Variants in CNTNAP4 observed in about 807,000 individuals in gnomAD.
CNTNAP4 encodes the protein contactin-associated protein-like 4.
CNTNAP4 carries 98 observed loss-of-function variants against 148.4 expected under a neutral mutation model. The observed-to-expected ratio is 0.66, with a 90% CI of 0.56 to 0.78. CNTNAP4 has a LOEUF of 0.78. Among genes scored for constraint, CNTNAP4 ranks in the 30% least tolerant of loss-of-function variants. The pLI is 0.00. For synonymous variants in CNTNAP4, 730 were observed against 565.1 expected (o/e 1.29, Z -4.14); for missense variants, 1,935 against 1,565.6 (o/e 1.24, Z -3.98).
At chr16:76,316,192 T>C in intron 1 of CNTNAP4, 1 of 585,532 alleles carries the variant, frequency 1.7e-6, no homozygotes, top group South Asian at 2.3e-5. Flanking sequence ...TATAATTTTA[T>C]GATTTTTAAA....
At chr16:76,503,678 TTC>T (rs2082734455) in intron 15 of CNTNAP4, among the ~76,000 whole-genome samples, 1 of 140,718 alleles carries the variant, frequency 7.1e-6, no homozygotes, top group African/African-American at 2.6e-5. Context: ...TCCCTCCCCC[TTC>T]CCCCCACCCC....
At chr16:76,445,017 C>G in intron 4 of CNTNAP4, among the ~76,000 whole-genome samples, 1 of 152,120 alleles carries the variant, frequency 6.6e-6, no homozygotes, top group African/African-American at 2.4e-5. Context: ...TATTTCCTGT[C>G]ACTGTAGTTT....
At chr16:76,424,689 G>C (rs1017513413) in intron 3 of CNTNAP4, among the ~76,000 whole-genome samples, 1 of 152,020 alleles carries the variant, frequency 6.6e-6, no homozygotes, top group Non-Finnish European at 1.5e-5. Flanking sequence ...AGCCCGGGAG[G>C]TGGAGGTTGC....
rs1422422053 is a variant in CNTNAP4, at chr16:76,507,996, G to A, written c.2365+9302G>A. On this transcript the variant is annotated intron_variant, in intron 15 of 23. Transcript: ENST00000611870. ...TTTCTAGATGACCTAGTCATTCTGCGTTCTCAAAACATGTTTAGCATATTA... is the reference window on the plus strand; with the variant it reads ...TTTCTAGATGACCTAGTCATTCTGCATTCTCAAAACATGTTTAGCATATTA... 1.3e-4 allele frequency among the ~76,000 whole-genome samples: 13 copies of A among 97,164 alleles called. 3 individuals carry two copies. The highest frequency in any genetic ancestry group is 4.0e-4 in the Admixed American group (4 of 10,016). The allele number at this position is 97,164 out of a possible 152,430, so 63.7% of individuals were successfully genotyped here.
intron 3 of CNTNAP4, among the ~76,000 whole-genome samples, chr16:76,371,371 C>T (rs113899365): frequency 9.2e-4 from 140 of 152,238 alleles, no homozygotes; most frequent in African/African-American, 3.2e-3. Context: ...CTGCAACCTC[C>T]ACCTCCCGGA....
chr16:76,313,060 C>A (rs1478038839), intron 1 of CNTNAP4, among the ~76,000 whole-genome samples: 1 of 152,108 alleles, frequency 6.6e-6, no homozygotes, highest in Non-Finnish European at 1.5e-5. Context: ...TATCACAAGC[C>A]TCCTGTGTGC....
chr16:76,425,659 A>T (rs1018523031), intron 3 of CNTNAP4, among the ~76,000 whole-genome samples: 5 of 152,172 alleles, frequency 3.3e-5, no homozygotes, highest in African/African-American at 1.2e-4. Context: ...GTAATATTTT[A>T]GTCAAAGCTT....
At chr16:76,466,805 C>T (rs2081190867) in intron 9 of CNTNAP4, among the ~76,000 whole-genome samples, 1 of 151,932 alleles carries the variant, frequency 6.6e-6, no homozygotes, top group Non-Finnish European at 1.5e-5. Context: ...TACTAAAATC[C>T]TTGTGTATGT....
At chr16:76,365,238 C>T (rs1597330024) in intron 3 of CNTNAP4, among the ~76,000 whole-genome samples, 1 of 152,110 alleles carries the variant, frequency 6.6e-6, no homozygotes, top group South Asian at 2.1e-4. Flanking sequence ...GTCTATATAT[C>T]TGTTTTGATA....
chr16:76,336,345 T>C (rs1198784443), intron 2 of CNTNAP4, among the ~76,000 whole-genome samples: 2 of 152,212 alleles, frequency 1.3e-5, no homozygotes, highest in Non-Finnish European at 2.9e-5. Context: ...TGAACATCTC[T>C]TCCCAGCTCA....
chr16:76,553,262 G>C (rs370462393), intron 21 of CNTNAP4, 21 bp from the exon 22 acceptor site: 2 of 1,482,856 alleles, frequency 1.3e-6, no homozygotes, highest in Middle Eastern at 1.7e-4. Flanking sequence ...CTAATATTTC[G>C]GTGTTTCTTT....
intron 2 of CNTNAP4, among the ~76,000 whole-genome samples, chr16:76,346,400 A>G (rs534988359): frequency 6.7e-6 from 1 of 149,400 alleles, no homozygotes; most frequent in South Asian, 2.1e-4. Context: ...TTGGCTCATG[A>G]CAGCTTATCA....
rs377550283 is a variant in CNTNAP4 at position 76,316,287 on chromosome 16, A to G, written c.86-126A>G. The G allele has an allele frequency of 2.1e-4, 154 of 725,520 alleles. 1 individual carries two copies. The highest frequency in any genetic ancestry group is 2.0e-3 in the African/African-American group (117 of 57,498). 44.9% of individuals were successfully genotyped at this position (725,520 alleles called of 1,614,324 possible). ...CTAGTAAGCCCTGGAAGTAGTAGGC[A>G]TATTTTTAGAGATCTTAGATCCTAG... On this transcript the variant is annotated intron_variant, in intron 1 of 23. Transcript: ENST00000611870.
intron 4 of CNTNAP4, among the ~76,000 whole-genome samples, chr16:76,438,470 G>A (rs993653082): frequency 2.6e-5 from 4 of 152,176 alleles, no homozygotes; most frequent in African/African-American, 7.2e-5. Context: ...TTTTAAAAAG[G>A]GAAGAAAGAA....
chr16:76,533,723 CAAG>C (rs1375784195), intron 17 of CNTNAP4, among the ~76,000 whole-genome samples: 2 of 151,644 alleles, frequency 1.3e-5, no homozygotes, highest in African/African-American at 2.4e-5. Flanking sequence ...AGGAATTAAA[CAAG>C]AAGATTTCCA....
At chr16:76,537,702 C>A (rs1171248360) in intron 18 of CNTNAP4, among the ~76,000 whole-genome samples, 1 of 152,060 alleles carries the variant, frequency 6.6e-6, no homozygotes, top group Non-Finnish European at 1.5e-5. Context: ...TCTCAAACAT[C>A]CTTCCTTCCT....
chr16:76,444,108 T>C (rs914438398), intron 4 of CNTNAP4, among the ~76,000 whole-genome samples: 1 of 152,106 alleles, frequency 6.6e-6, no homozygotes, highest in Non-Finnish European at 1.5e-5. Context: ...ATTGAGTGTA[T>C]ATATAGGAAT....
In CNTNAP4 at chr16:76,461,983, A is replaced by G. The variant is rs1238666144; in HGVS notation, c.1361A>G (p.His454Arg). The G allele has an allele frequency of 3.1e-6, 5 of 1,613,816 alleles. No individual in the cohort carries two copies. Among genetic ancestry groups the G allele is most frequent in the Non-Finnish European group, 4.2e-6 (5 of 1,179,756 alleles). Residue 454 changes from histidine (H) to arginine (R), a missense_variant, in exon 9 of 24, where the codon CAT becomes CGT. His to Arg is a conservative substitution (Grantham distance 29). Transcript: ENST00000611870. ...GTCGAATTAAATGATGGGCAGTGGC[A>G]TTCTGTCTCTTTATCTGCTAAAAAG... ...AGVELNDGQW[H>R]SVSLSAKKNH... is the part of the protein sequence containing the mutation.
At chr16:76,322,162 G>C (rs533982960) in intron 2 of CNTNAP4, among the ~76,000 whole-genome samples, 1 of 152,160 alleles carries the variant, frequency 6.6e-6, no homozygotes, top group African/African-American at 2.4e-5. Flanking sequence ...GAAGAATTAC[G>C]TGAATTGCAA....
Sources: allele counts gnomAD v4.1 joint callset (sites outside exome capture counted in the v4.1 genomes callset), GRCh38; gene constraint gnomAD v4.1.1; transcripts MANE v1.5; gene names NCBI Gene and HGNC (gene_info 2026-07-23, HGNC 2026-07-21).